Variants in ZP2 observed in about 807,000 individuals in gnomAD.
ZP2 encodes the protein zona pellucida glycoprotein 2.
In ZP2, 51 loss-of-function variants were observed where a neutral mutation model predicts 84.0. That is an observed-to-expected ratio of 0.61 (90% confidence interval 0.49 to 0.77). ZP2 has a LOEUF of 0.77. Ranked by LOEUF, ZP2 falls within the 30% of genes least tolerant of loss-of-function variation. The pLI is 0.00. For synonymous variants in ZP2, 375 were observed against 330.9 expected (o/e 1.13, Z -1.45); for missense variants, 909 against 911.9 (o/e 1.00, Z 0.04).
Position 21,201,395 on chromosome 16 carries a change from G to A in ZP2, c.1668C>T (p.Phe556=), listed in dbSNP as rs865850510. 1.9e-6 allele frequency: 3 copies of A among 1,592,746 alleles called. No individual in the cohort carries two copies. The highest frequency in any genetic ancestry group is 1.7e-6 in the Non-Finnish European group (2 of 1,168,600). ...CATCCACGACAACGTTCCACTGGGGGAAAGAGTCTGGATCCATGGTGGACG... is the reference window on the plus strand; with the variant it reads ...CATCCACGACAACGTTCCACTGGGGAAAAGAGTCTGGATCCATGGTGGACG... ...WATSTMDPDS[F]PQWNVVVDGC... is the part of the protein sequence containing the mutation. The change falls in exon 14 of 19, where the codon TTC becomes TTT. Residue 556 remains phenylalanine (F), a synonymous_variant. Transcript: ENST00000574091.
In ZP2 at chr16:21,204,015, G is replaced by T; in HGVS notation, c.972+15C>A. ...CAGGACCCGGTGGAGTTCAGTGGTT[G>T]ACAATTGAACATACTTTCGTTTTGA... On this transcript the variant is annotated intron_variant, in intron 9 of 18. Transcript: ENST00000574091. The T allele has an allele frequency of 6.2e-7, 1 of 1,610,696 alleles. No homozygotes were observed. The highest frequency in any genetic ancestry group is 1.1e-5 in the South Asian group (1 of 91,060).
intron 9 of ZP2, 110 bp downstream of exon 9, chr16:21,203,920 T>C (rs1159472390): frequency 1.5e-5 from 18 of 1,166,784 alleles, no homozygotes; most frequent in Admixed American, 1.1e-4. Context: ...GAATCTGTTA[T>C]GTTGGCAATT....
At chr16:21,205,195 G>T (rs1218337226) in intron 7 of ZP2, among the ~76,000 whole-genome samples, 4 of 152,150 alleles carry the variant, frequency 2.6e-5, no homozygotes, top group Admixed American at 6.5e-5. Context: ...AACAGACAGG[G>T]TTGGCCGGGC....
intron 14 of ZP2, 71 bp downstream of exon 14, chr16:21,201,298 A>T: frequency 2.2e-6 from 3 of 1,369,328 alleles, no homozygotes; most frequent in Non-Finnish European, 2.9e-6. Context: ...AAAGCCCAAG[A>T]GGGTTTATTC....
Position 21,204,176 on chromosome 16 carries a change from TGA to T in ZP2, c.824_825del (p.Leu275HisfsTer10). On this transcript the variant is annotated frameshift_variant, in exon 9 of 19. Transcript: ENST00000574091. LOFTEE classifies it high-confidence loss of function. Reference protein sequence around the residue: ...PVTCNATHMTLTIPEFPGKLK... With the variant: ...PVTCNATHMTXTIPEFPGKLK... ...AGCTTCCCAGGAAACTCTGGTATGG[TGA>T]GAGTCATGTGTGTGGCATTGCAGGT... The T allele has an allele frequency of 1.9e-6, 3 of 1,614,110 alleles. No individual in the cohort carries two copies. Among genetic ancestry groups the T allele is most frequent in the Non-Finnish European group, 2.5e-6 (3 of 1,179,998 alleles).
chr16:21,209,820 T>G, intron 3 of ZP2, 95 bp from the exon 4 acceptor site: 1 of 1,114,376 alleles, frequency 9.0e-7, no homozygotes, highest in Non-Finnish European at 1.4e-6. Context: ...ATTTCTAAGG[T>G]ACTTCAGTCC....
chr16:21,200,266 C>T (rs976817195), intron 14 of ZP2, among the ~76,000 whole-genome samples: 16 of 151,918 alleles, frequency 1.1e-4, no homozygotes, highest in Non-Finnish European at 1.6e-4. Context: ...GGTGAAACCC[C>T]GTTTCTACTA....
chr16:21,210,005 C>T (rs2093267218), intron 3 of ZP2, 104 bp downstream of exon 3: 3 of 1,017,348 alleles, frequency 2.9e-6, no homozygotes, highest in Non-Finnish European at 3.1e-6. Context: ...GAGTTGGATG[C>T]CGTTGCTGCA....
chr16:21,199,957 T>C (rs11074489), intron 14 of ZP2, 79 bp from the exon 15 acceptor site: 452,053 of 1,568,652 alleles, frequency 0.29, 67,691 homozygotes, highest in East Asian at 0.53. Context: ...GATTTAGTCA[T>C]ACGTAATATC....
Position 21,201,496 on chromosome 16 carries a change from G to A in ZP2, c.1567C>T (p.Pro523Ser), listed in dbSNP as rs1365327703. 1.2e-6 allele frequency: 2 copies of A among 1,613,724 alleles called. No homozygotes were observed. Among genetic ancestry groups the A allele is most frequent in the Non-Finnish European group, 8.5e-7 (1 of 1,179,876 alleles). ...EYPLVRFLRQ[P>S]IYMEVRVLNR... ...AGGACTCTCACTTCCATGTAAATTG[G>A]TTGGCGGAGGAATCTCACTAGAGGG... The change falls in exon 14 of 19, where the codon CCA becomes TCA. Residue 523 changes from proline (P) to serine (S), a missense_variant. Coordinates refer to ENST00000574091, the MANE Select transcript of ZP2 (RefSeq NM_001376232.1).
Position 21,197,468 on chromosome 16 carries a change from T to C in ZP2, c.*12A>G. On this transcript the variant is annotated 3_prime_UTR_variant, in exon 19 of 19. Transcript: ENST00000574091. ...AAGAGGCTTATTTTGACTGCTTTAT[T>C]TAGAAGCCCATTTAGTGATTTGACA... The C allele has an allele frequency of 1.2e-6, 2 of 1,614,000 alleles. No individual in the cohort carries two copies. Among genetic ancestry groups the C allele is most frequent in the Non-Finnish European group, 1.7e-6 (2 of 1,179,916 alleles).
chr16:21,210,076 C>T (rs754379662), intron 3 of ZP2, 33 bp downstream of exon 3: 3 of 1,592,796 alleles, frequency 1.9e-6, no homozygotes, highest in Non-Finnish European at 2.6e-6. Context: ...GTCTGCTAAT[C>T]AGGACTATGA....
In ZP2 at chr16:21,199,615, G is replaced by C. The variant is rs761862700; in HGVS notation, c.1882C>G (p.Pro628Ala). The part of the protein sequence containing the change: ...LICNRLSPDS[P>A]LCSVTCPVSS... Reference sequence around the variant, plus strand: ...ACAGGGCAGGTCACAGAACACAGTGGGGAGTCAGGGGAGAGTCGATTACAG... The same window carrying C: ...ACAGGGCAGGTCACAGAACACAGTGCGGAGTCAGGGGAGAGTCGATTACAG... The change falls in exon 16 of 19, where the codon CCA (proline) becomes GCA (alanine). Residue 628 changes from proline (P) to alanine (A), a missense_variant. Coordinates refer to ENST00000574091, the MANE Select transcript of ZP2 (RefSeq NM_001376232.1). 2 of 1,613,622 alleles carry C rather than the reference G, an allele frequency of 1.2e-6. No homozygotes were observed. Among genetic ancestry groups the C allele is most frequent in the African/African-American group, 2.7e-5 (2 of 74,932 alleles).
rs1227498509 is a variant in ZP2, at chr16:21,201,121, C to T, written c.1694+248G>A. Reference sequence around the variant, plus strand: ...GGCTGAGGTAGGAGAATTGCTTGAACCCAGGAGGCAGGGGCTACAGTGAGC... The same window carrying T: ...GGCTGAGGTAGGAGAATTGCTTGAATCCAGGAGGCAGGGGCTACAGTGAGC... On this transcript the variant is annotated intron_variant, in intron 14 of 18. Coordinates refer to ENST00000574091, the MANE Select transcript of ZP2 (RefSeq NM_001376232.1). Among the ~76,000 whole-genome samples the T allele has an allele frequency of 2.0e-5, 3 of 152,076 alleles. 1 individual carries two copies. Among genetic ancestry groups the T allele is most frequent in the East Asian group, 3.9e-4 (2 of 5,176 alleles).
At chr16:21,204,462 G>A in intron 7 of ZP2, 58 bp from the exon 8 acceptor site, 1 of 1,404,806 alleles carries the variant, frequency 7.1e-7, no homozygotes, top group Non-Finnish European at 1.0e-6. Context: ...TCTCTAACCA[G>A]TAAGAATCAT....
intron 10 of ZP2, 145 bp downstream of exon 10, chr16:21,202,980 G>T: frequency 1.0e-6 from 1 of 975,078 alleles, no homozygotes; most frequent in Non-Finnish European, 1.4e-6. Context: ...CATCGTAGCA[G>T]CTACACTGTT....
Position 21,206,820 on chromosome 16 carries a change from T to TCA in ZP2, c.483+16_483+17dup. On this transcript the variant is annotated intron_variant, in intron 5 of 18. Transcript: ENST00000574091. ...TGCAGTAGCCATATACCCCGAGCAG[T>TCA]CAGCCCGTTTCACTCACAGACATGA... is the stretch of plus-strand genomic sequence containing the variant. 6.2e-7 allele frequency: 1 copy of TCA among 1,613,994 alleles called. No individual in the cohort carries two copies. The highest frequency in any genetic ancestry group is 1.3e-5 in the African/African-American group (1 of 75,028).
Position 21,211,306 on chromosome 16 carries a change from C to A in ZP2, c.151+1G>T, listed in dbSNP as rs772233041. 4 of 1,613,842 alleles carry A rather than the reference C, an allele frequency of 2.5e-6. No homozygotes were observed. The Admixed American group carries it at 5.0e-5, about 20-fold the overall frequency. On this transcript the variant is annotated splice_donor_variant, in intron 2 of 18. Coordinates refer to ENST00000574091, the MANE Select transcript of ZP2 (RefSeq NM_001376232.1). LOFTEE classifies it high-confidence loss of function. ...AGACTTCTGTCACCCAAGAGACATACCTGGAAAGGCAGGATTTACCAACTG... is the reference window on the plus strand; with the variant it reads ...AGACTTCTGTCACCCAAGAGACATAACTGGAAAGGCAGGATTTACCAACTG...
At chr16:21,207,677 CA>C (rs1567216076) in intron 4 of ZP2, among the ~76,000 whole-genome samples, 92 of 113,498 alleles carry the variant, frequency 8.1e-4, no homozygotes, top group African/African-American at 3.1e-3. Context: ...CACACACACA[CA>C]CACCACAAAA....
Sources: gnomAD v4.1 joint callset for allele counts (sites outside exome capture counted in the v4.1 genomes callset) on GRCh38, gnomAD v4.1.1 for gene constraint, MANE v1.5 for transcripts, NCBI Gene and HGNC (gene_info 2026-07-23, HGNC 2026-07-21) for gene names.